The following CCK variants were observed in gnomAD, a reference collection of about 807,000 sequenced individuals.
The protein encoded by CCK is cholecystokinin.
A neutral mutation model predicts 10.1 loss-of-function variants in CCK; 11 were observed. The observed-to-expected ratio is 1.09, with a 90% CI of 0.69 to 1.81. The LOEUF (loss-of-function observed/expected upper bound fraction) is 1.81, where lower values mean the gene tolerates loss of function less well. CCK is among the 40% of genes most tolerant of loss of function. CCK has a pLI of 0.00. For missense variants in CCK, 137 were observed against 159.9 expected (o/e 0.86, Z 0.77); for synonymous variants, 83 against 71.9 (o/e 1.15, Z -0.78).
At chr3:42,260,397 C>A (rs1396475446) in intron 4 of CCK, among the ~76,000 whole-genome samples, 1 of 152,184 alleles carries the variant, frequency 6.6e-6, no homozygotes, top group Non-Finnish European at 1.5e-5. Context: ...CCCAAATTTC[C>A]ATCTAATGGA....
At chr3:42,263,369 G>A (rs376530573) in intron 4 of CCK, 48 bp downstream of exon 4, 71 of 1,613,884 alleles carry the variant, frequency 4.4e-5, no homozygotes, top group South Asian at 1.8e-4. Flanking sequence ...AGCATCGGGA[G>A]CCTGGGAACA....
In CCK at chr3:42,258,777, T is replaced by C. The variant is rs571207292; in HGVS notation, c.215-546A>G. 3.2e-4 allele frequency among the ~76,000 whole-genome samples: 48 copies of C among 152,308 alleles called. 1 individual carries two copies. In the South Asian group the frequency reaches 1.0e-2, roughly 32 times the overall value. ...GTGGGAGTGTAAATTAGTTCAACCA[T>C]TGTGGAAGACAGTGTGGCAATCCCT... On this transcript the variant is annotated intron_variant, in intron 4 of 4. Coordinates refer to ENST00000396169, the MANE Select transcript of CCK (RefSeq NM_000729.6).
chr3:42,263,424 G>T lies in CCK; in HGVS notation c.207C>A (p.Ala69=), dbSNP rs1175234521. Residue 69 remains alanine, a synonymous_variant, in exon 4 of 5, where the codon GCC becomes GCA. Coordinates refer to ENST00000396169, the MANE Select transcript of CCK (RefSeq NM_000729.6). ...GALLARYIQQ[A]RKAPSGRMSI... Reference sequence around the variant, plus strand: ...GGGAGGCAGCATTCTTACCTTTCCGGGCCTGCTGGATGTATCTTGCCAGCA... The same window carrying T: ...GGGAGGCAGCATTCTTACCTTTCCGTGCCTGCTGGATGTATCTTGCCAGCA... 2 of 1,613,998 alleles carry T rather than the reference G, an allele frequency of 1.2e-6. No homozygotes were observed. The highest frequency in any genetic ancestry group is 3.3e-5 in the Admixed American group (2 of 59,992).
At chr3:42,263,671 G>T (rs777268353) in intron 3 of CCK, 39 bp from the exon 4 acceptor site, 1 of 1,484,706 alleles carries the variant, frequency 6.7e-7, no homozygotes, top group Non-Finnish European at 9.0e-7. Flanking sequence ...TAACTGAAAG[G>T]CTGGGCAACA....
At chr3:42,263,298 T>A (rs779667586) in intron 4 of CCK, 119 bp downstream of exon 4, 1 of 1,471,334 alleles carries the variant, frequency 6.8e-7, no homozygotes, top group Admixed American at 1.7e-5. Context: ...CCAGAAATCA[T>A]GTTGCTTGTT....
At chr3:42,261,315 C>T (rs1053844014) in intron 4 of CCK, among the ~76,000 whole-genome samples, 3 of 152,096 alleles carry the variant, frequency 2.0e-5, no homozygotes, top group Non-Finnish European at 4.4e-5. Context: ...GTAAAATATT[C>T]TATATACTGC....
intron 2 of CCK, 83 bp from the exon 3 acceptor site, chr3:42,264,990 C>G (rs1004681947): frequency 1.3e-5 from 2 of 152,536 alleles, no homozygotes; most frequent in Admixed American, 6.5e-5. Context: ...CCTCTGGGTC[C>G]GAGAAGCTTC....
intron 3 of CCK, 74 bp from the exon 4 acceptor site, chr3:42,263,706 C>A (rs1444979454): frequency 3.4e-6 from 5 of 1,455,790 alleles, no homozygotes; most frequent in Non-Finnish European, 4.5e-6. Context: ...GGCCGGGCAC[C>A]CAGAAGCGGG....
chr3:42,263,475 G>T lies in CCK; in HGVS notation c.156C>A (p.Gly52=), dbSNP rs576832067. ...RQLRVSQRTD[G]ESRAHLGALL... ...GGGCGCCCAGGTGCGCTCGGGACTC[G>T]CCATCCGTTCTCTGCGATACCCTCA... The change falls in exon 4 of 5, where the codon GGC becomes GGA. Residue 52 remains glycine (G), a synonymous_variant. Transcript: ENST00000396169. The T allele has an allele frequency of 6.2e-7, 1 of 1,614,152 alleles. No homozygotes were observed. The highest frequency in any genetic ancestry group is 1.1e-5 in the South Asian group (1 of 91,086).
chr3:42,265,730 A>G lies in CCK; in HGVS notation c.-429T>C, dbSNP rs1250937752. The G allele has an allele frequency of 6.6e-6, 1 of 152,202 alleles. No homozygotes were observed. The highest frequency in any genetic ancestry group is 1.5e-5 in the Non-Finnish European group (1 of 68,122). 9.4% of individuals were successfully genotyped at this position (152,202 alleles called of 1,614,324 possible). ...GCCTGGAGGTGAGGACCTCACCCCT[A>G]GTCAGTCACCCGTCCGGTGGAGGGA... is the stretch of plus-strand genomic sequence containing the variant. On this transcript the variant is annotated 5_prime_UTR_variant, in exon 1 of 5. Transcript: ENST00000396169.
intron 4 of CCK, 63 bp from the exon 5 acceptor site, chr3:42,258,294 T>A: frequency 1.3e-6 from 2 of 1,563,698 alleles, no homozygotes; most frequent in Non-Finnish European, 1.7e-6. Context: ...TAGTTCAATT[T>A]GGGAAGGAGA....
intron 4 of CCK, among the ~76,000 whole-genome samples, chr3:42,261,021 T>C (rs58461756): frequency 2.4e-4 from 37 of 152,302 alleles, no homozygotes; most frequent in African/African-American, 8.7e-4. Flanking sequence ...ATATTCACTG[T>C]GCAGGGCTGT....
At chr3:42,258,886 A>G (rs1711174613) in intron 4 of CCK, among the ~76,000 whole-genome samples, 1 of 152,238 alleles carries the variant, frequency 6.6e-6, no homozygotes, top group Non-Finnish European at 1.5e-5. Flanking sequence ...CCATTCTGCT[A>G]TAAAGACACA....
chr3:42,261,487 T>C (rs769556821), intron 4 of CCK, among the ~76,000 whole-genome samples: 10 of 152,126 alleles, frequency 6.6e-5, no homozygotes, highest in Admixed American at 2.6e-4. Flanking sequence ...TTTGGCACAA[T>C]TGGCTGAAGG....
chr3:42,259,458 G>C (rs1711183690), intron 4 of CCK, among the ~76,000 whole-genome samples: 1 of 152,150 alleles, frequency 6.6e-6, no homozygotes, highest in African/African-American at 2.4e-5. Flanking sequence ...AGTGTTTTGA[G>C]TTGATGATCA....
rs1711282105 is a variant in CCK at position 42,265,959 on chromosome 3, G to A, written c.-658C>T. The A allele has an allele frequency of 6.6e-6, 1 of 152,100 alleles. No individual in the cohort carries two copies. The highest frequency in any genetic ancestry group is 1.5e-5 in the Non-Finnish European group (1 of 68,080). The allele number at this position is 152,100 out of a possible 1,614,324, so 9.4% of individuals were successfully genotyped here. On this transcript the variant is annotated 5_prime_UTR_variant, in exon 1 of 5. Coordinates refer to ENST00000396169, the MANE Select transcript of CCK (RefSeq NM_000729.6). ...CCCATTTCACAGACCGCAAACCGAG[G>A]CGCGAGGAAGAGCAGCGCCTTGCCA...
chr3:42,261,512 G>T (rs114256491), intron 4 of CCK, among the ~76,000 whole-genome samples: 1 of 152,248 alleles, frequency 6.6e-6, no homozygotes, highest in South Asian at 2.1e-4. Flanking sequence ...GGGAGAGGGG[G>T]GCTGAGAAGA....
rs1371101710 is a variant in CCK, at chr3:42,257,900, C to T, written c.*198G>A. 1.9e-6 allele frequency: 1 copy of T among 526,758 alleles called. No homozygotes were observed. Among genetic ancestry groups the T allele is most frequent in the African/African-American group, 1.9e-5 (1 of 52,152 alleles). The allele number at this position is 526,758 out of a possible 1,614,324, so 32.6% of individuals were successfully genotyped here. ...ACAGATGAAGAAAACATTTTGTCTT[C>T]CATTTGCACAATTCTGGTGAGGTGT... On this transcript the variant is annotated 3_prime_UTR_variant, in exon 5 of 5. Coordinates refer to ENST00000396169, the MANE Select transcript of CCK (RefSeq NM_000729.6).
At chr3:42,264,280 C>G (rs1488678569) in intron 3 of CCK, among the ~76,000 whole-genome samples, 2 of 152,186 alleles carry the variant, frequency 1.3e-5, no homozygotes, top group Non-Finnish European at 2.9e-5. Flanking sequence ...CATTTTAGAT[C>G]GCTAGTGGAT....
Sources: gnomAD v4.1 joint callset for allele counts (sites outside exome capture counted in the v4.1 genomes callset) on GRCh38, gnomAD v4.1.1 for gene constraint, MANE v1.5 for transcripts, NCBI Gene and HGNC (gene_info 2026-07-23, HGNC 2026-07-21) for gene names.